Variants in SIPA1L2 observed in about 807,000 individuals in gnomAD.
SIPA1L2 encodes signal induced proliferation associated 1 like 2, also known as signal-induced proliferation-associated 1-like protein 2.
SIPA1L2 carries 56 observed loss-of-function variants against 163.9 expected under a neutral mutation model. The ratio of observed to expected loss-of-function variants is 0.34; its 90% CI spans 0.28 to 0.43. SIPA1L2 has a LOEUF of 0.43. Ranked by LOEUF, SIPA1L2 falls within the 20% of genes least tolerant of loss-of-function variation. The probability of loss-of-function intolerance (pLI) is 1.00; values close to 1 mark genes in which losing one functional copy is unlikely to be tolerated. For missense variants in SIPA1L2, 1,974 were observed against 2,193.5 expected (o/e 0.90, Z 2.00); for synonymous variants, 877 against 865.7 (o/e 1.01, Z -0.23).
chr1:232,409,630 T>C (rs1660834711), intron 19 of SIPA1L2, among the ~76,000 whole-genome samples: 2 of 152,190 alleles, frequency 1.3e-5, no homozygotes, highest in Admixed American at 6.5e-5. Context: ...TAAGCCCCCA[T>C]GTGAATAAAT....
At chr1:232,523,116 T>C (rs1667533444) in intron 2 of SIPA1L2, among the ~76,000 whole-genome samples, 1 of 152,244 alleles carries the variant, frequency 6.6e-6, no homozygotes, top group African/African-American at 2.4e-5. Context: ...AGAATATGGC[T>C]TTTGTAAAGT....
intron 16 of SIPA1L2, among the ~76,000 whole-genome samples, chr1:232,430,134 G>A (rs1464853767): frequency 3.3e-5 from 5 of 152,182 alleles, no homozygotes; most frequent in African/African-American, 9.7e-5. Context: ...GCTTGCACAG[G>A]ACCTCCAGTC....
chr1:232,549,239 C>G (rs1474116279), intron 2 of SIPA1L2, among the ~76,000 whole-genome samples: 1 of 152,190 alleles, frequency 6.6e-6, no homozygotes, highest in Admixed American at 6.5e-5. Context: ...GACGACCTCC[C>G]AGCACCCTCC....
intron 2 of SIPA1L2, among the ~76,000 whole-genome samples, chr1:232,534,414 A>G (rs1165993850): frequency 6.6e-6 from 1 of 152,248 alleles, no homozygotes; most frequent in African/African-American, 2.4e-5. Flanking sequence ...GCCTAAGCAT[A>G]ATTACTAAAA....
chr1:232,512,574 A>G (rs1384423489), intron 3 of SIPA1L2, among the ~76,000 whole-genome samples: 2 of 152,194 alleles, frequency 1.3e-5, no homozygotes, highest in African/African-American at 2.4e-5. Context: ...TTGCAGGGAC[A>G]TGGATGAAGC....
intron 10 of SIPA1L2, among the ~76,000 whole-genome samples, chr1:232,456,144 T>C (rs1198577944): frequency 6.6e-6 from 1 of 152,066 alleles, no homozygotes; most frequent in Non-Finnish European, 1.5e-5. Flanking sequence ...GAATAATAAA[T>C]GGGATAAAGC....
At chr1:232,428,687 G>A (rs917083128) in intron 16 of SIPA1L2, 123 bp from the exon 17 acceptor site, 4 of 630,236 alleles carry the variant, frequency 6.3e-6, no homozygotes, top group Middle Eastern at 4.4e-4. Flanking sequence ...TAGGTCTTAA[G>A]TCAGTTCACT....
intron 2 of SIPA1L2, among the ~76,000 whole-genome samples, chr1:232,541,391 A>G (rs1295415167): frequency 6.6e-6 from 1 of 152,194 alleles, no homozygotes; most frequent in Non-Finnish European, 1.5e-5. Flanking sequence ...ATATTTAACA[A>G]AACACCATTT....
At chr1:232,590,755 A>G (rs1219407338) in intron 1 of SIPA1L2, among the ~76,000 whole-genome samples, 2 of 152,258 alleles carry the variant, frequency 1.3e-5, no homozygotes, top group Non-Finnish European at 2.9e-5. Context: ...GTGAAAGAAT[A>G]TGAGATCTTC....
chr1:232,455,223 C>T (rs188028452), intron 10 of SIPA1L2, among the ~76,000 whole-genome samples: 1 of 152,294 alleles, frequency 6.6e-6, no homozygotes, highest in African/African-American at 2.4e-5. Context: ...ACTGGAGCGT[C>T]CATAAGACAA....
intron 2 of SIPA1L2, among the ~76,000 whole-genome samples, chr1:232,520,047 C>T (rs923984827): frequency 6.6e-6 from 1 of 152,182 alleles, no homozygotes; most frequent in Non-Finnish European, 1.5e-5. Flanking sequence ...TTTCCTAAAC[C>T]TAGATTCTGA....
chr1:232,527,722 C>CTT (rs1452568441), intron 2 of SIPA1L2, among the ~76,000 whole-genome samples: 32 of 86,322 alleles, frequency 3.7e-4, no homozygotes, highest in African/African-American at 1.2e-3. Context: ...TCTTCTTCTT[C>CTT]TTCTTTTTTT....
rs1664439615 is a variant in SIPA1L2, at chr1:232,465,095, G to C, written c.2565C>G (p.Ile855Met). Residue 855 changes from isoleucine to methionine, a missense_variant, in exon 9 of 23, where the codon ATC becomes ATG. Transcript: ENST00000674635. The surrounding 1 kb of genome is among the most constrained non-coding windows in gnomAD (Gnocchi z 4.1). ...KDAHLFSIGA[I>M]MWHVIARDFG... ...AGTCCCGGGCTATCACGTGCCACAT[G>C]ATGGCCCCAATGCTAAACAAGTGGG... 1 of 1,614,154 alleles carries C rather than the reference G, an allele frequency of 6.2e-7. No individual in the cohort carries two copies. The highest frequency in any genetic ancestry group is 1.7e-5 in the Admixed American group (1 of 60,026).
chr1:232,557,172 T>C (rs1048840096), intron 2 of SIPA1L2, among the ~76,000 whole-genome samples: 3 of 152,164 alleles, frequency 2.0e-5, no homozygotes, highest in Non-Finnish European at 2.9e-5. Flanking sequence ...TCCGGTCTCA[T>C]TGCTATCACA....
At chr1:232,571,201 T>C (rs1394093130) in intron 2 of SIPA1L2, among the ~76,000 whole-genome samples, 3 of 152,196 alleles carry the variant, frequency 2.0e-5, no homozygotes, top group African/African-American at 7.2e-5. Context: ...AATAAGCATG[T>C]AAACCTAACC....
chr1:232,570,119 T>C (rs563326658), intron 2 of SIPA1L2, among the ~76,000 whole-genome samples: 2 of 152,204 alleles, frequency 1.3e-5, no homozygotes, highest in Non-Finnish European at 2.9e-5. Flanking sequence ...GCTGTAACAC[T>C]ACAGTGCCAG....
rs1330921834 is a variant in SIPA1L2 at position 232,515,316 on chromosome 1, T to C, written c.24A>G (p.Gln8=). 1 of 1,604,888 alleles carries C rather than the reference T, an allele frequency of 6.2e-7. No individual in the cohort carries two copies. The highest frequency in any genetic ancestry group is 8.5e-7 in the Non-Finnish European group (1 of 1,174,868). ...CTCTGCCTAGCTTGTGCTTCTCTTC[T>C]TGTGACTGCCTTGGGTCACTCATGT... MSDPRQS[Q]EEKHKLGRAS... The change falls in exon 3 of 23, where the codon CAA becomes CAG. Residue 8 remains glutamine (Q), a synonymous_variant. Coordinates refer to ENST00000674635, the MANE Select transcript of SIPA1L2 (RefSeq NM_020808.5).
chr1:232,618,330 CCA>C (rs1662612490), intron 1 of SIPA1L2, among the ~76,000 whole-genome samples: 1 of 152,088 alleles, frequency 6.6e-6, no homozygotes, highest in Admixed American at 6.6e-5. Context: ...CTCTTTTTGT[CCA>C]CAGACATCCT....
intron 3 of SIPA1L2, among the ~76,000 whole-genome samples, chr1:232,495,702 G>A (rs934785623): frequency 5.3e-5 from 8 of 152,082 alleles, no homozygotes; most frequent in African/African-American, 1.9e-4. Context: ...GGTCAGCGAC[G>A]CAACACATAT....
Sources: allele counts gnomAD v4.1 joint callset (sites outside exome capture counted in the v4.1 genomes callset), GRCh38; gene constraint gnomAD v4.1.1; non-coding constraint Gnocchi (gnomAD v3.1); transcripts MANE v1.5; gene names NCBI Gene and HGNC (gene_info 2026-07-23, HGNC 2026-07-21).